The following ATXN3 variants were observed in gnomAD, a reference collection of about 807,000 sequenced individuals.
ATXN3 encodes ataxin-3.
A neutral mutation model predicts 58.2 loss-of-function variants in ATXN3; 28 were observed. The ratio of observed to expected loss-of-function variants is 0.48; its 90% CI spans 0.36 to 0.66. The LOEUF is 0.66. ATXN3 is among the 30% of genes least tolerant of loss of function. ATXN3 has a pLI of 0.00. For synonymous variants in ATXN3, 113 were observed against 138.5 expected (o/e 0.82, Z 1.29); for missense variants, 321 against 422.1 (o/e 0.76, Z 2.10).
In ATXN3 at chr14:92,074,451, A is replaced by G. The variant is rs568291443; in HGVS notation, c.873-3398T>C. On this transcript the variant is annotated intron_variant, in intron 9 of 10. Coordinates refer to ENST00000644486, the MANE Select transcript of ATXN3 (RefSeq NM_004993.6). ...AAAATTCTGCTTCACTGCTGTTGCA[A>G]TGGGGGCCAGACTTCATGTTCCCAT... Among the ~76,000 whole-genome samples the G allele has an allele frequency of 9.2e-5, 14 of 152,344 alleles. No individual in the cohort carries two copies. The South Asian group carries it at 2.5e-3, about 27-fold the overall frequency.
chr14:92,089,905 G>T (rs1010267756), intron 5 of ATXN3, among the ~76,000 whole-genome samples: 5 of 152,080 alleles, frequency 3.3e-5, no homozygotes, highest in African/African-American at 4.8e-5. Context: ...TCCAGGAAGA[G>T]AATTTATAAT....
chr14:92,100,316 T>C (rs1005397624), intron 1 of ATXN3, among the ~76,000 whole-genome samples: 3 of 152,038 alleles, frequency 2.0e-5, no homozygotes, highest in African/African-American at 4.8e-5. Context: ...TCAAAAGACA[T>C]GTATAAGAAT....
intron 10 of ATXN3, among the ~76,000 whole-genome samples, chr14:92,067,628 C>CT (rs1044471445): frequency 2.0e-4 from 30 of 152,262 alleles, no homozygotes; most frequent in African/African-American, 7.0e-4. Flanking sequence ...AATTCCTGAC[C>CT]TTAAGTGTTT....
intron 1 of ATXN3, among the ~76,000 whole-genome samples, chr14:92,099,579 A>C (rs1326907215): frequency 1.3e-5 from 2 of 152,316 alleles, no homozygotes; most frequent in Non-Finnish European, 2.9e-5. Flanking sequence ...CTTTTGAAAA[A>C]TAGCCAAGGC....
chr14:92,046,667 G>A (rs187091112), intron 2 of ATXN3, among the ~76,000 whole-genome samples: 61 of 149,838 alleles, frequency 4.1e-4, no homozygotes, highest in Non-Finnish European at 7.6e-4. Flanking sequence ...TATGAGGTCA[G>A]CTAGGTTTGC....
chr14:92,064,515 T>C, intron 10 of ATXN3, 101 bp from the exon 11 acceptor site: 1 of 887,702 alleles, frequency 1.1e-6, no homozygotes, highest in Non-Finnish European at 1.8e-6. Context: ...TGAGCACGAG[T>C]TTCTTTTTTT....
chr14:92,053,566 A>G (rs2057455657), downstream of ATXN3, among the ~76,000 whole-genome samples: 1 of 146,616 alleles, frequency 6.8e-6, no homozygotes, highest in Admixed American at 6.9e-5. Flanking sequence ...GTGCGATCAT[A>G]GCTCACTGCA....
intron 4 of ATXN3, 83 bp downstream of exon 4, chr14:92,093,663 T>C: frequency 9.2e-7 from 1 of 1,087,902 alleles, no homozygotes; most frequent in Non-Finnish European, 1.4e-6. Context: ...GTATTCAAAA[T>C]GTATTTCTCT....
downstream of ATXN3, among the ~76,000 whole-genome samples, chr14:92,056,236 A>G (rs192103780): frequency 2.0e-3 from 305 of 152,280 alleles, no homozygotes; most frequent in Non-Finnish European, 3.7e-3. Context: ...GGCTGAGACA[A>G]GGGCCATTCC....
chr14:92,083,062 A>C (rs2061757357), intron 7 of ATXN3, 64 bp downstream of exon 7: 1 of 1,535,492 alleles, frequency 6.5e-7, no homozygotes, highest in Non-Finnish European at 8.8e-7. Context: ...CAATCTAAGC[A>C]TGAAAATTTA....
chr14:92,074,037 G>C (rs10143310), intron 9 of ATXN3, among the ~76,000 whole-genome samples: 40,823 of 144,092 alleles, frequency 0.28, 6,316 homozygotes, highest in East Asian at 0.44. Context: ...AAAAAAAAGG[G>C]AGAAATGGGC....
intron 1 of ATXN3, among the ~76,000 whole-genome samples, chr14:92,100,949 G>A (rs2066630276): frequency 6.6e-6 from 1 of 152,106 alleles, no homozygotes; most frequent in African/African-American, 2.4e-5. Context: ...TCAGTTTGGA[G>A]TTTACAAACT....
At chr14:92,054,617 T>A (rs2057459020), downstream of ATXN3, among the ~76,000 whole-genome samples, 1 of 152,232 alleles carries the variant, frequency 6.6e-6, no homozygotes, top group Non-Finnish European at 1.5e-5. Flanking sequence ...TCAGGGCTGC[T>A]CTGTCTATGG....
At chr14:92,075,038 T>C (rs6575227) in intron 9 of ATXN3, among the ~76,000 whole-genome samples, 4,688 of 152,244 alleles carry the variant, frequency 0.031, 249 homozygotes, top group African/African-American at 0.11. Flanking sequence ...GCTGATGTAG[T>C]AGAGTTTTGC....
chr14:92,048,083 T>G (rs1566883226), intron 1 of ATXN3: 1 of 152,172 alleles, frequency 6.6e-6, no homozygotes, highest in African/African-American at 2.4e-5. Flanking sequence ...CGATTTCCAG[T>G]GGGGTCCTGC....
intron 9 of ATXN3, among the ~76,000 whole-genome samples, chr14:92,078,377 T>C (rs2060825265): frequency 6.6e-6 from 1 of 151,938 alleles, no homozygotes; most frequent in South Asian, 2.1e-4. Context: ...TATTTATTTA[T>C]TTGAGATGGA....
chr14:92,085,185 A>T (rs8019838), intron 6 of ATXN3, among the ~76,000 whole-genome samples: 42,526 of 146,882 alleles, frequency 0.29, 6,247 homozygotes, highest in East Asian at 0.45. Flanking sequence ...GACTTCACAT[A>T]TTTTTTTTTT....
rs750375139 is a variant in ATXN3, at chr14:92,077,348, C to CT, written c.872+3616dup. Among the ~76,000 whole-genome samples the CT allele has an allele frequency of 7.6e-4, 90 of 117,984 alleles. 1 individual carries two copies. Among genetic ancestry groups the CT allele is most frequent in the Non-Finnish European group, 1.1e-3 (67 of 58,722 alleles). The allele number at this position is 117,984 out of a possible 152,430, so 77.4% of individuals were successfully genotyped here. A position where few individuals can be genotyped will look rare whatever the true frequency, so the allele number is the denominator to read the frequency against. On this transcript the variant is annotated intron_variant, in intron 9 of 10. Coordinates refer to ENST00000644486, the MANE Select transcript of ATXN3 (RefSeq NM_004993.6). ...AGTCACTGAAGGAGGTGAGAGTATG[C>CT]TTTCTTTTTTTTTTTTGAGACAGAG...
rs1462673103 is a variant in ATXN3, at chr14:92,060,767, C to A, written c.*3553G>T. On this transcript the variant is annotated 3_prime_UTR_variant, in exon 11 of 11. Transcript: ENST00000644486. The stretch of plus-strand genomic sequence containing the variant: ...TTTTTTTTTGAGACAGAGTCTCACT[C>A]TGTCGCCCAGTCTGGAGTACAGTGG... 1 of 146,518 alleles carries A rather than the reference C, an allele frequency of 6.8e-6. No individual in the cohort carries two copies. 9.1% of individuals were successfully genotyped at this position (146,518 alleles called of 1,614,324 possible).
Sources: allele counts gnomAD v4.1 joint callset (sites outside exome capture counted in the v4.1 genomes callset), GRCh38; gene constraint gnomAD v4.1.1; transcripts MANE v1.5; gene names NCBI Gene and HGNC (gene_info 2026-07-23, HGNC 2026-07-21).